Variants in MCTP1 observed in about 807,000 individuals in gnomAD.
The protein encoded by MCTP1 is multiple C2 and transmembrane domain containing 1, also known as multiple C2 and transmembrane domain-containing protein 1.
Under a neutral mutation model 120.6 loss-of-function variants are expected in MCTP1, and 69 were observed. That is an observed-to-expected ratio of 0.57 (90% CI 0.47 to 0.70). The LOEUF (loss-of-function observed/expected upper bound fraction) is 0.70. MCTP1 is among the 30% of genes least tolerant of loss of function. The probability of loss-of-function intolerance (pLI) is 0.00; values close to 1 mark genes in which losing one functional copy is unlikely to be tolerated. For missense variants in MCTP1, 1,203 were observed against 1,248.8 expected (o/e 0.96, Z 0.55); for synonymous variants, 529 against 493.1 (o/e 1.07, Z -0.96).
chr5:95,233,327 T>A (rs1405844315), intron 1 of MCTP1, among the ~76,000 whole-genome samples: 1 of 148,324 alleles, frequency 6.7e-6, no homozygotes, highest in Non-Finnish European at 1.5e-5. Flanking sequence ...ATGGCATACT[T>A]CTTTTTTTTT....
intron 1 of MCTP1, among the ~76,000 whole-genome samples, chr5:95,210,749 C>A: frequency 6.6e-6 from 1 of 151,700 alleles, no homozygotes; most frequent in Non-Finnish European, 1.5e-5. Context: ...CTCGTTAGTT[C>A]ACGCAGTTTC....
At chr5:94,753,565 G>T (rs1769017261) in intron 19 of MCTP1, among the ~76,000 whole-genome samples, 1 of 152,144 alleles carries the variant, frequency 6.6e-6, no homozygotes. Flanking sequence ...AATGATTGTG[G>T]TGTGTAGTTG....
intron 1 of MCTP1, among the ~76,000 whole-genome samples, chr5:95,239,163 A>G (rs1755888625): frequency 6.6e-6 from 1 of 152,178 alleles, no homozygotes; most frequent in Admixed American, 6.5e-5. Flanking sequence ...CAGTGGCAAA[A>G]TTCTGAAAAT....
chr5:95,247,916 G>A (rs1370053406), intron 1 of MCTP1, among the ~76,000 whole-genome samples: 2 of 152,152 alleles, frequency 1.3e-5, no homozygotes. Flanking sequence ...TATGCTTGGT[G>A]CAGAGCTGAG....
rs1344881554 is a variant in MCTP1 at position 94,974,616 on chromosome 5, TTTG to T, written c.839-21258_839-21256del. Reference sequence around the variant, plus strand: ...TATTATTTTCAGAGGATTCATTGGCTTTGTTAAGTCAAGAGAAAAAGCCTATAA... The same window carrying T: ...TATTATTTTCAGAGGATTCATTGGCTTTAAGTCAAGAGAAAAAGCCTATAA... On this transcript the variant is annotated intron_variant, in intron 2 of 22. Transcript: ENST00000515393. Among the ~76,000 whole-genome samples the T allele has an allele frequency of 5.9e-5, 9 of 152,038 alleles. No individual in the cohort carries two copies. In the South Asian group the frequency reaches 1.5e-3, roughly 25 times the overall value.
intron 1 of MCTP1, among the ~76,000 whole-genome samples, chr5:95,255,994 T>G (rs1757847557): frequency 6.6e-6 from 1 of 152,138 alleles, no homozygotes; most frequent in Non-Finnish European, 1.5e-5. Context: ...CATCGAATGC[T>G]CTCAAATAAA....
chr5:95,061,135 T>C (rs116223779), intron 1 of MCTP1, among the ~76,000 whole-genome samples: 1,573 of 151,708 alleles, frequency 0.01, 19 homozygotes, highest in Non-Finnish European at 0.012. Context: ...GGGAGATGCA[T>C]TGACATGAGT....
At chr5:94,942,306 G>T in intron 4 of MCTP1, 42 bp downstream of exon 4, 1 of 1,445,062 alleles carries the variant, frequency 6.9e-7, no homozygotes, top group Non-Finnish European at 9.7e-7. Flanking sequence ...CAAGCCCACT[G>T]CATGACAAGG....
intron 2 of MCTP1, among the ~76,000 whole-genome samples, chr5:94,963,422 T>G (rs1189936043): frequency 6.6e-6 from 1 of 151,458 alleles, no homozygotes; most frequent in Non-Finnish European, 1.5e-5. Context: ...AGATTCCCAT[T>G]AACAGTGAAC....
intron 1 of MCTP1, among the ~76,000 whole-genome samples, chr5:95,093,219 G>C (rs1489624109): frequency 6.6e-6 from 1 of 152,094 alleles, no homozygotes; most frequent in Non-Finnish European, 1.5e-5. Flanking sequence ...GGAAGACAAA[G>C]GCTGACTCAA....
At chr5:94,928,953 C>A (rs1390555265) in intron 6 of MCTP1, among the ~76,000 whole-genome samples, 2 of 152,056 alleles carry the variant, frequency 1.3e-5, no homozygotes, top group Non-Finnish European at 2.9e-5. Flanking sequence ...TATGTGAGTG[C>A]CACAAGTAAT....
chr5:95,172,246 C>CT (rs1747408612), intron 1 of MCTP1, among the ~76,000 whole-genome samples: 1 of 152,202 alleles, frequency 6.6e-6, no homozygotes, highest in Non-Finnish European at 1.5e-5. Context: ...GCAAATGTTG[C>CT]TGCCTGATCA....
chr5:95,168,974 C>T (rs867966441), intron 1 of MCTP1, among the ~76,000 whole-genome samples: 3 of 152,072 alleles, frequency 2.0e-5, no homozygotes, highest in Admixed American at 6.6e-5. Flanking sequence ...CTGTCTTGTG[C>T]CAGTTTTCAA....
intron 1 of MCTP1, among the ~76,000 whole-genome samples, chr5:95,182,981 G>T (rs138000823): frequency 1.4e-5 from 2 of 147,524 alleles, no homozygotes; most frequent in South Asian, 2.1e-4. Flanking sequence ...GGCTGAGATC[G>T]CACCATTGCA....
At chr5:94,718,703 C>T (rs555441769) in intron 19 of MCTP1, among the ~76,000 whole-genome samples, 3 of 152,080 alleles carry the variant, frequency 2.0e-5, no homozygotes, top group Admixed American at 2.0e-4. Context: ...TGAACAGACA[C>T]TTCATAAAAG....
At chr5:95,036,755 C>T (rs1163120200) in intron 1 of MCTP1, among the ~76,000 whole-genome samples, 1 of 152,142 alleles carries the variant, frequency 6.6e-6, no homozygotes, top group East Asian at 1.9e-4. Flanking sequence ...GAATGTACTA[C>T]TTCTTTTATT....
intron 1 of MCTP1, among the ~76,000 whole-genome samples, chr5:95,056,713 G>A (rs1221055516): frequency 6.6e-6 from 1 of 151,990 alleles, no homozygotes; most frequent in Admixed American, 6.6e-5. Context: ...CCATTATTGT[G>A]GTCCATATTT....
Position 94,951,941 on chromosome 5 carries a change from G to A in MCTP1, c.981+1278C>T, listed in dbSNP as rs376871969. Among the ~76,000 whole-genome samples, 10 of 152,188 alleles carry A rather than the reference G, an allele frequency of 6.6e-5. No individual in the cohort carries two copies. The South Asian group carries it at 1.9e-3, about 28-fold the overall frequency. The stretch of plus-strand genomic sequence containing the variant: ...AATCCCAGCACTTTGGGAGGCCGAG[G>A]AGCACAGATCACTTGAGGCCGGGAG... On this transcript the variant is annotated intron_variant, in intron 3 of 22. Transcript: ENST00000515393.
rs78274681 is a variant in MCTP1, at chr5:95,259,226, A to G, written c.720+24630T>C. ...TCCCTGCCAACATTTCTGAATGGCT[A>G]TGTCACTACCAATGGGGCCACAACA... On this transcript the variant is annotated intron_variant, in intron 1 of 22. Coordinates refer to ENST00000515393, the MANE Select transcript of MCTP1 (RefSeq NM_024717.7). Among the ~76,000 whole-genome samples, 9 of 152,286 alleles carry G rather than the reference A, an allele frequency of 5.9e-5. 1 individual carries two copies. Among genetic ancestry groups the G allele is most frequent in the Admixed American group, 5.2e-4 (8 of 15,288 alleles).
Sources: gnomAD v4.1 joint callset for allele counts (sites outside exome capture counted in the v4.1 genomes callset) on GRCh38, gnomAD v4.1.1 for gene constraint, MANE v1.5 for transcripts, NCBI Gene and HGNC (gene_info 2026-07-23, HGNC 2026-07-21) for gene names.